Variants in SH3RF3 observed in about 807,000 individuals in gnomAD.
SH3RF3 encodes the protein SH3 domain containing ring finger 3, also known as E3 ubiquitin-protein ligase SH3RF3.
Under a neutral mutation model 66.3 loss-of-function variants are expected in SH3RF3, and 29 were observed. The observed-to-expected ratio is 0.44, with a 90% confidence interval of 0.33 to 0.60. The LOEUF (loss-of-function observed/expected upper bound fraction) is 0.60. Ranked by LOEUF, SH3RF3 falls within the 20% of genes least tolerant of loss-of-function variation. SH3RF3 has a pLI of 0.04. For missense variants in SH3RF3, 1,194 were observed against 1,190.9 expected (o/e 1.00, Z -0.04); for synonymous variants, 583 against 532.0 (o/e 1.10, Z -1.32).
At chr2:109,252,092 C>A (rs566971184) in intron 1 of SH3RF3, among the ~76,000 whole-genome samples, 1 of 61,888 alleles carries the variant, frequency 1.6e-5, no homozygotes, top group Non-Finnish European at 2.7e-5. Flanking sequence ...ACAAAAAATA[C>A]AAATAGCTGA....
intron 1 of SH3RF3, among the ~76,000 whole-genome samples, chr2:109,314,185 T>C (rs1681813857): frequency 6.6e-6 from 1 of 152,082 alleles, no homozygotes; most frequent in African/African-American, 2.4e-5. Context: ...GACCAGCGGG[T>C]GGGTGTCCAG....
At chr2:109,367,119 ATTTT>A (rs150005222) in intron 2 of SH3RF3, among the ~76,000 whole-genome samples, 1 of 113,318 alleles carries the variant, frequency 8.8e-6, no homozygotes, top group African/African-American at 3.4e-5. Flanking sequence ...TGCCCTGGTA[ATTTT>A]TTTTTTTTTT....
intron 1 of SH3RF3, among the ~76,000 whole-genome samples, chr2:109,283,190 A>C (rs547505223): frequency 6.6e-6 from 1 of 152,302 alleles, no homozygotes; most frequent in South Asian, 2.1e-4. Flanking sequence ...TGCCTGGAGC[A>C]TGCCTCTGTT....
intron 8 of SH3RF3, among the ~76,000 whole-genome samples, chr2:109,480,624 G>A (rs949261306): frequency 6.6e-6 from 1 of 152,180 alleles, no homozygotes; most frequent in African/African-American, 2.4e-5. Context: ...CTGCTGCCCT[G>A]TGGGAGGAGG....
intron 1 of SH3RF3, among the ~76,000 whole-genome samples, chr2:109,336,938 A>G (rs1447373521): frequency 3.9e-5 from 6 of 152,232 alleles, no homozygotes; most frequent in Non-Finnish European, 7.3e-5. Context: ...CAGCCAGACC[A>G]TCATCCTCTG....
chr2:109,474,593 C>G (rs985073403), intron 8 of SH3RF3, among the ~76,000 whole-genome samples: 7 of 152,224 alleles, frequency 4.6e-5, no homozygotes, highest in Non-Finnish European at 1.0e-4. Flanking sequence ...CTGCTTCAGA[C>G]TTACCCAGGT....
rs142286091 is a variant in SH3RF3 at position 109,299,542 on chromosome 2, G to A, written c.574-48132G>A. 4.6e-5 allele frequency among the ~76,000 whole-genome samples: 7 copies of A among 152,192 alleles called. No homozygotes were observed. The East Asian group carries it at 9.7e-4, about 21-fold the overall frequency. ...TTGCACCCCAGGACAGGAGGACTGC[G>A]CTCCCAGGGGAGTCACCAAGCATCA... On this transcript the variant is annotated intron_variant, in intron 1 of 9. Coordinates refer to ENST00000309415, the MANE Select transcript of SH3RF3 (RefSeq NM_001099289.3).
chr2:109,424,595 A>C (rs1474287320), intron 5 of SH3RF3, among the ~76,000 whole-genome samples: 1 of 152,174 alleles, frequency 6.6e-6, no homozygotes, highest in African/African-American at 2.4e-5. Flanking sequence ...TAATTCTTAT[A>C]ATATTTCAAA....
chr2:109,386,833 A>G (rs551271780), intron 3 of SH3RF3, among the ~76,000 whole-genome samples: 1 of 152,270 alleles, frequency 6.6e-6, no homozygotes, highest in Admixed American at 6.5e-5. Flanking sequence ...CACAAAACCA[A>G]AGACACCAAA....
intron 7 of SH3RF3, among the ~76,000 whole-genome samples, chr2:109,438,798 T>A (rs1483240484): frequency 6.6e-6 from 1 of 152,174 alleles, no homozygotes; most frequent in Non-Finnish European, 1.5e-5. Flanking sequence ...CCCTGACTGG[T>A]CAGAGGCAGC....
intron 1 of SH3RF3, among the ~76,000 whole-genome samples, chr2:109,185,690 G>A (rs930440495): frequency 2.0e-5 from 3 of 152,200 alleles, no homozygotes; most frequent in Non-Finnish European, 4.4e-5. Context: ...CATGGCTCTT[G>A]GTGGAAAAGA....
intron 2 of SH3RF3, among the ~76,000 whole-genome samples, chr2:109,355,693 A>G (rs1477570409): frequency 6.6e-6 from 1 of 152,170 alleles, no homozygotes; most frequent in Admixed American, 6.5e-5. Context: ...CTGTTGGGAA[A>G]CAGTGAGTGG....
intron 9 of SH3RF3, among the ~76,000 whole-genome samples, chr2:109,491,572 AGGCTGTG>A (rs1679132690): frequency 6.6e-6 from 1 of 152,134 alleles, no homozygotes; most frequent in African/African-American, 2.4e-5. Flanking sequence ...TGGCCCACTA[AGGCTGTG>A]GGCTGTGGGG....
At chr2:109,178,425 G>A (rs954792982) in intron 1 of SH3RF3, among the ~76,000 whole-genome samples, 3 of 151,968 alleles carry the variant, frequency 2.0e-5, no homozygotes, top group Non-Finnish European at 2.9e-5. Flanking sequence ...TTTTTTTATT[G>A]TTTTGTGAGC....
chr2:109,230,933 A>T (rs572664186), intron 1 of SH3RF3, among the ~76,000 whole-genome samples: 1 of 152,238 alleles, frequency 6.6e-6, no homozygotes, highest in Non-Finnish European at 1.5e-5. Context: ...TCAAACAGGA[A>T]GGCAGGATAG....
At chr2:109,180,420 A>G (rs1008362276) in intron 1 of SH3RF3, among the ~76,000 whole-genome samples, 1 of 152,156 alleles carries the variant, frequency 6.6e-6, no homozygotes, top group Non-Finnish European at 1.5e-5. Flanking sequence ...TAGCTAGCCA[A>G]TGAACTGGCT....
chr2:109,176,358 T>C (rs1015044815), intron 1 of SH3RF3, among the ~76,000 whole-genome samples: 2 of 152,116 alleles, frequency 1.3e-5, no homozygotes, highest in Non-Finnish European at 2.9e-5. Context: ...TGAGCAGCAG[T>C]GAGATACTCT....
chr2:109,370,385 G>T (rs1683243423), intron 2 of SH3RF3, among the ~76,000 whole-genome samples: 1 of 151,972 alleles, frequency 6.6e-6, no homozygotes, highest in African/African-American at 2.4e-5. Context: ...GACTACAGGT[G>T]CCTGCCACCA....
chr2:109,202,249 T>C (rs1678692977), intron 1 of SH3RF3, among the ~76,000 whole-genome samples: 1 of 152,170 alleles, frequency 6.6e-6, no homozygotes, highest in Non-Finnish European at 1.5e-5. Context: ...GGCCCCCACC[T>C]TGCCTCCAGT....
Sources: allele counts gnomAD v4.1 joint callset (sites outside exome capture counted in the v4.1 genomes callset), GRCh38; gene constraint gnomAD v4.1.1; transcripts MANE v1.5; gene names NCBI Gene and HGNC (gene_info 2026-07-23, HGNC 2026-07-21).